HMCN1: variants seen among roughly 807,000 people sequenced by gnomAD.
HMCN1 encodes hemicentin 1, also known as hemicentin-1.
Under a neutral mutation model 625.9 loss-of-function variants are expected in HMCN1, and 321 were observed. The observed-to-expected ratio is 0.51, with a 90% CI of 0.47 to 0.56. The LOEUF is 0.56. Among genes scored for constraint, HMCN1 ranks in the 20% least tolerant of loss-of-function variants. HMCN1 has a pLI of 0.00. For synonymous variants in HMCN1, 2,425 were observed against 2,417.6 expected (o/e 1.00, Z -0.09); for missense variants, 6,588 against 6,887.3 (o/e 0.96, Z 1.54).
intron 1 of HMCN1, among the ~76,000 whole-genome samples, chr1:185,826,300 G>A (rs188624999): frequency 1.8e-4 from 28 of 152,198 alleles, no homozygotes; most frequent in African/African-American, 5.8e-4. Flanking sequence ...CCTCATCTTC[G>A]CAGAAATTAT....
At chr1:186,087,718 T>A (rs1488416124) in intron 60 of HMCN1, 73 bp downstream of exon 60, 5 of 1,388,758 alleles carry the variant, frequency 3.6e-6, no homozygotes, top group Non-Finnish European at 3.1e-6. Context: ...GGAAGTTGCA[T>A]ATTCCCTTTT....
chr1:186,021,355 G>A (rs75585903), intron 35 of HMCN1, among the ~76,000 whole-genome samples: 2,705 of 152,114 alleles, frequency 0.018, 76 homozygotes, highest in African/African-American at 0.057. Context: ...GGGGGGTTAA[G>A]GTGACTATGA....
chr1:185,892,984 C>T (rs541033197), intron 4 of HMCN1, among the ~76,000 whole-genome samples: 1 of 152,056 alleles, frequency 6.6e-6, no homozygotes, highest in Non-Finnish European at 1.5e-5. Context: ...TAGGACCCTC[C>T]AAGCCAGGTG....
chr1:186,129,458 T>C (rs915017148), intron 83 of HMCN1, among the ~76,000 whole-genome samples: 2 of 151,204 alleles, frequency 1.3e-5, no homozygotes, highest in African/African-American at 2.4e-5. Flanking sequence ...GTTTAAATTA[T>C]TACAAATTTG....
In HMCN1 at chr1:186,095,313, G is replaced by A. The variant is rs754080103; in HGVS notation, c.10365G>A (p.Met3455Ile). 11 of 1,613,744 alleles carry A rather than the reference G, an allele frequency of 6.8e-6. No homozygotes were observed. The South Asian group carries it at 7.7e-5, about 11-fold the overall frequency. ...ITVLKGSSTS[M>I]ACITDGTPAP... ...TTCTCAAAGGTAGTTCCACCTCTATGGCATGCATTACTGATGGAACCCCAG... is the reference window on the plus strand; with the variant it reads ...TTCTCAAAGGTAGTTCCACCTCTATAGCATGCATTACTGATGGAACCCCAG... Residue 3455 changes from methionine to isoleucine, a missense_variant, in exon 68 of 107, where the codon ATG becomes ATA. By Grantham distance (10) the Met-to-Ile change is conservative (BLOSUM62 1). Around this residue, in one of 3 missense-constraint regions of HMCN1, gnomAD observed 4,628 missense variants for 4,853.1 expected, o/e 0.95. Transcript: ENST00000271588.
At chr1:186,142,184 T>C (rs1650011107) in intron 89 of HMCN1, among the ~76,000 whole-genome samples, 1 of 152,246 alleles carries the variant, frequency 6.6e-6, no homozygotes, top group Middle Eastern at 3.4e-3. Flanking sequence ...GGCCCCAGTG[T>C]TTGTTGTTCC....
intron 102 of HMCN1, among the ~76,000 whole-genome samples, chr1:186,173,650 AAAAAAGAAAAAAG>A (rs1652374343): frequency 6.6e-6 from 1 of 151,076 alleles, no homozygotes; most frequent in Admixed American, 6.6e-5. Flanking sequence ...CAAAAAAAAA[AAAAAAGAAAAAAG>A]AAAAAAAAAA....
At chr1:185,896,801 G>C (rs1234777694) in intron 4 of HMCN1, among the ~76,000 whole-genome samples, 1 of 152,182 alleles carries the variant, frequency 6.6e-6, no homozygotes, top group African/African-American at 2.4e-5. Flanking sequence ...AAATGAACGA[G>C]TGTACCTGCT....
chr1:185,829,380 CCTGT>C (rs1266580722), intron 1 of HMCN1, among the ~76,000 whole-genome samples: 3 of 151,752 alleles, frequency 2.0e-5, no homozygotes, highest in Non-Finnish European at 4.4e-5. Context: ...CACCTATTGA[CCTGT>C]CTGTCCTCTA....
At chr1:186,037,809 A>G (rs1170204171) in intron 36 of HMCN1, 125 bp from the exon 37 acceptor site, 3 of 682,570 alleles carry the variant, frequency 4.4e-6, no homozygotes, top group Admixed American at 2.3e-5. Context: ...TTTATTCCAA[A>G]TAGGTCAGTG....
At chr1:185,894,777 T>C (rs751850463) in intron 4 of HMCN1, among the ~76,000 whole-genome samples, 1 of 152,232 alleles carries the variant, frequency 6.6e-6, no homozygotes, top group Non-Finnish European at 1.5e-5. Flanking sequence ...CTTTGAGAAA[T>C]ATGGTGACAA....
chr1:186,172,241 CT>C, intron 102 of HMCN1, 110 bp downstream of exon 102: 1 of 1,461,126 alleles, frequency 6.8e-7, no homozygotes, highest in South Asian at 1.1e-5. Flanking sequence ...ACAAGGAAAT[CT>C]TTCTTTTTCC....
At chr1:186,046,710 G>T (rs558105087) in intron 41 of HMCN1, among the ~76,000 whole-genome samples, 1 of 152,194 alleles carries the variant, frequency 6.6e-6, no homozygotes, top group Admixed American at 6.6e-5. Context: ...GAGATAAAAA[G>T]CAAGGGAAGC....
intron 103 of HMCN1, chr1:186,176,795 G>GAAATATA (rs1652610839): frequency 6.6e-6 from 1 of 152,096 alleles, no homozygotes; most frequent in African/African-American, 2.4e-5. Flanking sequence ...AAAAGGAAAG[G>GAAATATA]AAACATAAAA....
intron 14 of HMCN1, among the ~76,000 whole-genome samples, chr1:185,966,549 A>G (rs1001761441): frequency 2.6e-5 from 4 of 152,126 alleles, no homozygotes; most frequent in Admixed American, 6.6e-5. Flanking sequence ...AGATGCTGAC[A>G]GTAGATATCT....
At chr1:185,840,550 A>G (rs1414660179) in intron 1 of HMCN1, among the ~76,000 whole-genome samples, 1 of 152,136 alleles carries the variant, frequency 6.6e-6, no homozygotes, top group Non-Finnish European at 1.5e-5. Flanking sequence ...GGATGCCTTC[A>G]TGGTGCATTT....
At chr1:186,178,362 TGTGTGTATGTA>T (rs1652727136) in intron 103 of HMCN1, 43 bp from the exon 104 acceptor site, 1 of 1,221,884 alleles carries the variant, frequency 8.2e-7, no homozygotes, top group Non-Finnish European at 1.2e-6. Context: ...CTGTGTTTTG[TGTGTGTATGTA>T]TGTGTCTTTT....
At position 185,888,295 on chromosome 1, in the gene HMCN1, A is replaced by G. The variant is rs1443182989; in HGVS notation, c.622-21042A>G. 1.2e-4 allele frequency among the ~76,000 whole-genome samples: 16 copies of G among 134,170 alleles called. No individual in the cohort carries two copies. In the East Asian group the frequency reaches 3.2e-3, roughly 27 times the overall value. The allele number at this position is 134,170 out of a possible 152,430, so 88.0% of individuals were successfully genotyped here. ...CTGATGGTAGTTTCTTTTGCTGTGC[A>G]GAAGCTCTTTAGTTTAATTAGATCC... On this transcript the variant is annotated intron_variant, in intron 4 of 106. Coordinates refer to ENST00000271588, the MANE Select transcript of HMCN1 (RefSeq NM_031935.3).
chr1:185,893,537 T>C (rs1192488654), intron 4 of HMCN1, among the ~76,000 whole-genome samples: 1 of 152,174 alleles, frequency 6.6e-6, no homozygotes, highest in African/African-American at 2.4e-5. Flanking sequence ...ATTTATTGTT[T>C]CCTAATGGTT....
Sources: allele counts gnomAD v4.1 joint callset (sites outside exome capture counted in the v4.1 genomes callset), GRCh38; gene constraint gnomAD v4.1.1; regional missense constraint gnomAD v4.1.1; transcripts MANE v1.5; gene names NCBI Gene and HGNC (gene_info 2026-07-23, HGNC 2026-07-21).